SH3D19: variants seen among roughly 807,000 people sequenced by gnomAD.
The protein encoded by SH3D19 is SH3 domain-containing protein 19.
In SH3D19, 58 loss-of-function variants were observed where a neutral mutation model predicts 112.1. The ratio of observed to expected loss-of-function variants is 0.52; its 90% CI spans 0.42 to 0.64. SH3D19 has a LOEUF of 0.64. Ranked by LOEUF, SH3D19 falls within the 30% of genes least tolerant of loss-of-function variation. The pLI is 0.00. For missense variants in SH3D19, 1,090 were observed against 1,263.4 expected, an observed-to-expected ratio of 0.86 and a Z score of 2.08; for synonymous variants, 391 against 448.5, an observed-to-expected ratio of 0.87 and a Z score of 1.62.
intron 17 of SH3D19, among the ~76,000 whole-genome samples, chr4:151,130,425 A>T (rs1448530483): frequency 6.6e-6 from 1 of 151,936 alleles, no homozygotes; most frequent in East Asian, 1.9e-4. Context: ...TCAGAGTGAG[A>T]TCCTGTCTCA....
At chr4:151,237,759 G>A (rs1357604682) in intron 1 of SH3D19, among the ~76,000 whole-genome samples, 3 of 152,160 alleles carry the variant, frequency 2.0e-5, no homozygotes, top group Non-Finnish European at 4.4e-5. Context: ...AGAATATTTA[G>A]CAAGTTCATA....
At position 151,159,166 on chromosome 4, in the gene SH3D19, A is replaced by C. The variant is rs1756700266; in HGVS notation, c.1755+74T>G. The stretch of plus-strand genomic sequence containing the variant: ...AATCTGACCAGTAATAAAATAATTT[A>C]GATATTAGCTGACTATTCAAAATTA... On this transcript the variant is annotated intron_variant, in intron 9 of 19. Transcript: ENST00000604030. 3 of 795,646 alleles carry C rather than the reference A, an allele frequency of 3.8e-6. No homozygotes were observed. The South Asian group carries it at 6.7e-5, about 18-fold the overall frequency. The allele number at this position is 795,646 out of a possible 1,614,324, so 49.3% of individuals were successfully genotyped here.
rs1315305852 is a variant in SH3D19, at chr4:151,128,319, T to C, written c.2780A>G (p.His927Arg). The C allele has an allele frequency of 6.2e-6, 10 of 1,614,018 alleles. No individual in the cohort carries two copies. The highest frequency in any genetic ancestry group is 1.3e-5 in the African/African-American group (1 of 75,036). The change falls in exon 18 of 20, where the codon CAC becomes CGC. Residue 927 changes from histidine to arginine, a missense_variant. Transcript: ENST00000604030. Reference sequence around the variant, plus strand: ...ATCACTGGTCTCTGCTGTAAAACTGTGAAGAGCTTCACACCATTCTGCCGG... The same window carrying C: ...ATCACTGGTCTCTGCTGTAAAACTGCGAAGAGCTTCACACCATTCTGCCGG... ...SLPAEWCEAL[H>R]SFTAETSDDL...
chr4:151,198,857 G>A lies in SH3D19; in HGVS notation c.153-11394C>T, dbSNP rs953044879. On this transcript the variant is annotated intron_variant, in intron 2 of 19. Transcript: ENST00000604030. Reference sequence around the variant, plus strand: ...CTTTAACCAAGAATATAAACACAACGTGGAAACAGCTGAATTCATTCTTAA... The same window carrying A: ...CTTTAACCAAGAATATAAACACAACATGGAAACAGCTGAATTCATTCTTAA... 5.3e-5 allele frequency among the ~76,000 whole-genome samples: 8 copies of A among 152,112 alleles called. No homozygotes were observed. The South Asian group carries it at 8.3e-4, about 16-fold the overall frequency.
At chr4:151,124,735 AT>A (rs1481273027) in intron 19 of SH3D19, among the ~76,000 whole-genome samples, 1 of 152,046 alleles carries the variant, frequency 6.6e-6, no homozygotes, top group Non-Finnish European at 1.5e-5. Context: ...AAAAAAAAAA[AT>A]TAGTTTTATC....
chr4:151,318,835 AC>A (rs1240100774), intron 1 of SH3D19, among the ~76,000 whole-genome samples: 1 of 152,132 alleles, frequency 6.6e-6, no homozygotes, highest in Non-Finnish European at 1.5e-5. Context: ...ATGAACCAAG[AC>A]AGTCTGATTC....
intron 1 of SH3D19, among the ~76,000 whole-genome samples, chr4:151,305,973 GTAACAAAA>G (rs1427209989): frequency 2.6e-5 from 4 of 152,162 alleles, no homozygotes; most frequent in Admixed American, 2.6e-4. Context: ...TATTGATATA[GTAACAAAA>G]TGAATCAATG....
intron 1 of SH3D19, among the ~76,000 whole-genome samples, chr4:151,228,289 T>C (rs1003067317): frequency 6.6e-6 from 1 of 152,178 alleles, no homozygotes; most frequent in Non-Finnish European, 1.5e-5. Flanking sequence ...AGAATTCACA[T>C]AGTTGATAAT....
chr4:151,132,376 C>G lies in SH3D19; in HGVS notation c.2697G>C (p.Lys899Asn), dbSNP rs779219908. Residue 899 changes from lysine to asparagine, a missense_variant, in exon 17 of 20, where the codon AAG becomes AAC. Physicochemically the swap from Lys to Asn is moderately conservative, Grantham distance 94. Transcript: ENST00000604030. ...PTSGANVLSTKVPLKTKKEDS... is the reference protein window; with the variant it reads ...PTSGANVLSTNVPLKTKKEDS... ...CTTCTTTTTTGGTTTTCAGTGGTACCTTTGTGCCTACATTAAAAAAACAAA... is the reference window on the plus strand; with the variant it reads ...CTTCTTTTTTGGTTTTCAGTGGTACGTTTGTGCCTACATTAAAAAAACAAA... 9.9e-6 allele frequency: 16 copies of G among 1,613,376 alleles called. No homozygotes were observed. The highest frequency in any genetic ancestry group is 1.3e-5 in the Non-Finnish European group (15 of 1,179,776).
At chr4:151,141,519 C>T (rs7689095) in intron 12 of SH3D19, among the ~76,000 whole-genome samples, 127,718 of 152,006 alleles carry the variant, frequency 0.84, 54,927 homozygotes, top group Non-Finnish European at 0.95. Context: ...GTGATACACC[C>T]CTGTGGTCCC....
intron 1 of SH3D19, among the ~76,000 whole-genome samples, chr4:151,290,707 GA>G (rs1307638731): frequency 6.6e-6 from 1 of 152,138 alleles, no homozygotes; most frequent in Admixed American, 6.5e-5. Context: ...AAAAAAGAAA[GA>G]GAACAAGACT....
intron 1 of SH3D19, among the ~76,000 whole-genome samples, chr4:151,234,766 T>TTTTTTTTTTG: frequency 1.1e-5 from 1 of 87,152 alleles, no homozygotes; most frequent in South Asian, 4.1e-4. Context: ...TTTTTTTTTT[T>TTTTTTTTTTG]AGACAGGGGC....
At chr4:151,265,897 T>C (rs1169955714) in intron 1 of SH3D19, among the ~76,000 whole-genome samples, 3 of 152,108 alleles carry the variant, frequency 2.0e-5, no homozygotes, top group Non-Finnish European at 2.9e-5. Context: ...CTTATACTTA[T>C]TACAGCAGCT....
chr4:151,198,319 T>C (rs554648554), intron 2 of SH3D19, among the ~76,000 whole-genome samples: 1 of 87,350 alleles, frequency 1.1e-5, no homozygotes, highest in Non-Finnish European at 3.1e-5. Flanking sequence ...AAAAAAAAAA[T>C]ATATATATAA....
intron 2 of SH3D19, among the ~76,000 whole-genome samples, chr4:151,196,131 A>G (rs574534987): frequency 2.0e-5 from 3 of 152,306 alleles, no homozygotes; most frequent in African/African-American, 7.2e-5. Flanking sequence ...CTGGGTGGAA[A>G]TTCAAACAGG....
chr4:151,268,142 T>C (rs1221523228), intron 1 of SH3D19, among the ~76,000 whole-genome samples: 1 of 152,242 alleles, frequency 6.6e-6, no homozygotes, highest in Non-Finnish European at 1.5e-5. Flanking sequence ...TGCTATAGTC[T>C]ATTGCTCATA....
chr4:151,177,015 T>C (rs1760056847), intron 4 of SH3D19, 60 bp from the exon 5 acceptor site: 3 of 1,223,786 alleles, frequency 2.5e-6, no homozygotes, highest in Non-Finnish European at 3.1e-6. Flanking sequence ...TGTCTATCTA[T>C]AAATGTTCAA....
At chr4:151,236,199 C>T (rs368790053) in intron 1 of SH3D19, among the ~76,000 whole-genome samples, 7 of 152,382 alleles carry the variant, frequency 4.6e-5, no homozygotes, top group Admixed American at 1.3e-4. Context: ...CTCTCTGGGG[C>T]TGGCCGAGGC....
chr4:151,177,837 T>C (rs2149832195), intron 4 of SH3D19, among the ~76,000 whole-genome samples: 1 of 152,374 alleles, frequency 6.6e-6, no homozygotes. Context: ...TATGATTTGA[T>C]GATTAATCTT....
Sources: allele counts gnomAD v4.1 joint callset (sites outside exome capture counted in the v4.1 genomes callset), GRCh38; gene constraint gnomAD v4.1.1; transcripts MANE v1.5; gene names NCBI Gene and HGNC (gene_info 2026-07-23, HGNC 2026-07-21).